The following RBM47 variants were observed in gnomAD, a reference collection of about 807,000 sequenced individuals.
RBM47 encodes RNA-binding protein 47.
In RBM47, 21 loss-of-function variants were observed where a neutral mutation model predicts 47.1. The observed-to-expected ratio is 0.45, with a 90% CI of 0.32 to 0.64. RBM47 has a LOEUF of 0.64. RBM47 is among the 30% of genes least tolerant of loss of function. The pLI, the probability that RBM47 is intolerant of heterozygous loss-of-function variation, is 0.05. For synonymous variants in RBM47, 375 were observed against 361.7 expected (o/e 1.04, Z -0.42); for missense variants, 708 against 870.9 (o/e 0.81, Z 2.35).
At chr4:40,610,404 C>T (rs1445726770) in intron 1 of RBM47, among the ~76,000 whole-genome samples, 9 of 152,052 alleles carry the variant, frequency 5.9e-5, no homozygotes, top group Non-Finnish European at 8.8e-5. Context: ...AGGCAGATCA[C>T]AAGGTCAGGA....
chr4:40,529,873 TAA>T (rs1727203235), intron 2 of RBM47, among the ~76,000 whole-genome samples: 2 of 137,596 alleles, frequency 1.5e-5, no homozygotes, highest in South Asian at 2.3e-4. Context: ...AATAAATAAA[TAA>T]ATATTAAAAT....
intron 1 of RBM47, among the ~76,000 whole-genome samples, chr4:40,625,214 A>G (rs1374593403): frequency 1.3e-5 from 2 of 152,216 alleles, no homozygotes; most frequent in Non-Finnish European, 2.9e-5. Context: ...TTTTTGAAAC[A>G]CAAATGGTTT....
At chr4:40,622,568 C>T (rs1050200788) in intron 1 of RBM47, among the ~76,000 whole-genome samples, 3 of 152,218 alleles carry the variant, frequency 2.0e-5, no homozygotes, top group East Asian at 1.9e-4. Context: ...GGGACTGACA[C>T]GAGCTGACTT....
intron 2 of RBM47, among the ~76,000 whole-genome samples, chr4:40,501,200 G>A (rs1723314096): frequency 6.6e-6 from 1 of 152,190 alleles, no homozygotes; most frequent in African/African-American, 2.4e-5. Context: ...TTTAATTTAA[G>A]CATAATCTAA....
chr4:40,561,544 C>CTTTTCTTTTTT (rs1560470026), intron 1 of RBM47, among the ~76,000 whole-genome samples: 4 of 124,572 alleles, frequency 3.2e-5, no homozygotes, highest in Admixed American at 8.0e-5. Context: ...TTCTTCTTTT[C>CTTTTCTTTTTT]TTTTTTTTTT....
At chr4:40,613,138 C>T (rs966701380) in intron 1 of RBM47, among the ~76,000 whole-genome samples, 4 of 152,132 alleles carry the variant, frequency 2.6e-5, no homozygotes, top group African/African-American at 4.8e-5. Flanking sequence ...ATAAGTGTCT[C>T]GCCATGAAGC....
intron 3 of RBM47, among the ~76,000 whole-genome samples, chr4:40,452,622 G>A (rs933321700): frequency 7.9e-5 from 12 of 151,964 alleles, no homozygotes; most frequent in East Asian, 1.9e-4. Context: ...TTAGTCTAGC[G>A]TCCGCCAGGT....
chr4:40,567,238 C>T (rs1270978405), intron 1 of RBM47, among the ~76,000 whole-genome samples: 3 of 151,804 alleles, frequency 2.0e-5, no homozygotes, highest in Admixed American at 1.3e-4. Context: ...CTAACAACTT[C>T]GGAATTTTAG....
At chr4:40,534,192 G>A (rs1036308741) in intron 2 of RBM47, among the ~76,000 whole-genome samples, 5 of 151,118 alleles carry the variant, frequency 3.3e-5, no homozygotes, top group Non-Finnish European at 7.4e-5. Flanking sequence ...TCTTGAACTC[G>A]TGGGCTGAAG....
At chr4:40,542,898 T>C (rs1728687401) in intron 2 of RBM47, 1 of 152,192 alleles carries the variant, frequency 6.6e-6, no homozygotes, top group Non-Finnish European at 1.5e-5. Flanking sequence ...CTCATTACTC[T>C]GTTAATGTAT....
intron 3 of RBM47, among the ~76,000 whole-genome samples, chr4:40,457,350 G>A (rs1258167509): frequency 1.3e-5 from 2 of 150,066 alleles, no homozygotes; most frequent in Non-Finnish European, 3.0e-5. Flanking sequence ...TTGAACCCAG[G>A]AGGCAGAGAT....
At chr4:40,519,594 G>T (rs549110055) in intron 2 of RBM47, among the ~76,000 whole-genome samples, 58 of 148,506 alleles carry the variant, frequency 3.9e-4, no homozygotes, top group Non-Finnish European at 8.2e-4. Flanking sequence ...ACCACACCCA[G>T]CATCCTTCAA....
chr4:40,426,889 T>C (rs1211095977), intron 6 of RBM47: 3 of 152,210 alleles, frequency 2.0e-5, no homozygotes, highest in Admixed American at 1.3e-4. Flanking sequence ...AATCAGTCTA[T>C]GCCCCAGAGT....
intron 1 of RBM47, among the ~76,000 whole-genome samples, chr4:40,626,942 C>T (rs1049673266): frequency 1.3e-5 from 2 of 152,166 alleles, no homozygotes; most frequent in Non-Finnish European, 2.9e-5. Context: ...TCTCTGAAGG[C>T]TCCAAAGGCC....
At chr4:40,591,358 T>C (rs1475535911) in intron 1 of RBM47, among the ~76,000 whole-genome samples, 2 of 152,052 alleles carry the variant, frequency 1.3e-5, no homozygotes, top group African/African-American at 4.8e-5. Flanking sequence ...AATTTTGGTC[T>C]AAAAAAAGGC....
At chr4:40,550,287 G>A (rs564914525) in intron 1 of RBM47, among the ~76,000 whole-genome samples, 6 of 152,292 alleles carry the variant, frequency 3.9e-5, no homozygotes, top group South Asian at 4.1e-4. Context: ...TGGGGCCTTC[G>A]AGGGGAGACT....
At chr4:40,436,341 T>G (rs1253763325) in intron 5 of RBM47, 100 bp downstream of exon 5, 7 of 1,153,846 alleles carry the variant, frequency 6.1e-6, no homozygotes, top group African/African-American at 3.0e-5. Flanking sequence ...GAGGAACCCC[T>G]GTGCAGATGT....
intron 2 of RBM47, among the ~76,000 whole-genome samples, chr4:40,508,228 A>G (rs961397158): frequency 2.0e-5 from 3 of 152,190 alleles, no homozygotes; most frequent in Non-Finnish European, 4.4e-5. Context: ...AAAGTCATAA[A>G]ACTTTTCTGA....
At chr4:40,500,037 G>A (rs866430789) in intron 2 of RBM47, among the ~76,000 whole-genome samples, 6 of 152,314 alleles carry the variant, frequency 3.9e-5, no homozygotes, top group South Asian at 2.1e-4. Flanking sequence ...AAAATAGGCC[G>A]GGCGCAGTGG....
Sources: allele counts gnomAD v4.1 joint callset (sites outside exome capture counted in the v4.1 genomes callset), GRCh38; gene constraint gnomAD v4.1.1; transcripts MANE v1.5; gene names NCBI Gene and HGNC (gene_info 2026-07-23, HGNC 2026-07-21).